ALG9: variants seen among roughly 807,000 people sequenced by gnomAD.
The protein encoded by ALG9 is alpha-1,2-mannosyltransferase ALG9.
Under a neutral mutation model 81.8 loss-of-function variants are expected in ALG9, and 55 were observed. The observed-to-expected ratio is 0.67, with a 90% confidence interval of 0.54 to 0.84. The LOEUF is 0.84. Ranked by LOEUF, ALG9 falls within the 40% of genes least tolerant of loss-of-function variation. The pLI, the probability that ALG9 is intolerant of heterozygous loss-of-function variation, is 0.00. For missense variants in ALG9, 629 were observed against 745.0 expected (o/e 0.84, Z 1.81); for synonymous variants, 278 against 274.3 (o/e 1.01, Z -0.13).
At chr11:111,804,474 C>T (rs186333972) in intron 14 of ALG9, among the ~76,000 whole-genome samples, 70 of 152,104 alleles carry the variant, frequency 4.6e-4, no homozygotes, top group Middle Eastern at 3.4e-3. Context: ...GCCTGTAATC[C>T]GAGCGCTTTC....
At chr11:111,821,913 T>G (rs1392256866) in intron 13 of ALG9, among the ~76,000 whole-genome samples, 1 of 152,052 alleles carries the variant, frequency 6.6e-6, no homozygotes, top group African/African-American at 2.4e-5. Flanking sequence ...GGATTACAGG[T>G]GTGAGCCACC....
chr11:111,778,122 C>G (rs1945746797), downstream of ALG9: 1 of 152,078 alleles, frequency 6.6e-6, no homozygotes, highest in African/African-American at 2.4e-5. Flanking sequence ...AATATTCACA[C>G]CTTCTTTTTT....
chr11:111,829,571 A>C (rs1286604473), intron 13 of ALG9, among the ~76,000 whole-genome samples: 1 of 152,228 alleles, frequency 6.6e-6, no homozygotes, highest in Non-Finnish European at 1.5e-5. Context: ...TAAGGATAAC[A>C]ATTTAATACC....
In ALG9 at chr11:111,815,932, T is replaced by G. The variant is rs782366006; in HGVS notation, c.1603-6159A>C. Among the ~76,000 whole-genome samples the G allele has an allele frequency of 7.6e-4, 116 of 152,208 alleles. 1 individual carries two copies. The highest frequency in any genetic ancestry group is 1.6e-3 in the Non-Finnish European group (109 of 68,024). ...AAATTATCCTTGTTTCAACCTAGGTTAGTGTCTATTATCAATTCAAGTTAA... is the reference window on the plus strand; with the variant it reads ...AAATTATCCTTGTTTCAACCTAGGTGAGTGTCTATTATCAATTCAAGTTAA... On this transcript the variant is annotated intron_variant, in intron 13 of 14. Coordinates refer to ENST00000616540, the MANE Select transcript of ALG9 (RefSeq NM_024740.2).
intron 6 of ALG9, among the ~76,000 whole-genome samples, chr11:111,855,867 A>C (rs1168230249): frequency 1.3e-5 from 2 of 152,198 alleles, no homozygotes; most frequent in Admixed American, 6.5e-5. Context: ...GAGATGAGGA[A>C]ACCAGCCTTT....
chr11:111,861,811 C>A (rs572984224), intron 4 of ALG9, among the ~76,000 whole-genome samples: 8 of 151,608 alleles, frequency 5.3e-5, no homozygotes, highest in African/African-American at 1.7e-4. Context: ...ACTGAAAAGT[C>A]TGTATTTAGC....
chr11:111,864,718 GA>G (rs1356836535), intron 4 of ALG9, among the ~76,000 whole-genome samples: 2 of 148,894 alleles, frequency 1.3e-5, no homozygotes, highest in East Asian at 1.9e-4. Flanking sequence ...TTCTTTCCCA[GA>G]AAAAAAAATA....
At chr11:111,849,109 C>T (rs534170258) in intron 8 of ALG9, among the ~76,000 whole-genome samples, 29 of 151,742 alleles carry the variant, frequency 1.9e-4, no homozygotes, top group African/African-American at 5.3e-4. Context: ...GGAGTGCAGT[C>T]GTGCAGTTTC....
the ALG9 span, among the ~76,000 whole-genome samples, chr11:111,776,747 G>C: frequency 1.8e-4 from 27 of 152,182 alleles, no homozygotes; most frequent in African/African-American, 6.5e-4. Context: ...ATATCTGGCA[G>C]AGCTGACCTT....
intron 10 of ALG9, among the ~76,000 whole-genome samples, chr11:111,839,603 G>C (rs555402819): frequency 5.6e-4 from 49 of 87,404 alleles, no homozygotes; most frequent in Non-Finnish European, 9.6e-4. Context: ...AAAAAAAAAG[G>C]GGGGGGGGGA....
At chr11:111,828,911 T>C (rs1953845842) in intron 13 of ALG9, 1 of 152,216 alleles carries the variant, frequency 6.6e-6, no homozygotes, top group Admixed American at 6.5e-5. Flanking sequence ...TCTGCAGATA[T>C]TGATTTTTCT....
chr11:111,844,830 C>T (rs1367631896), intron 8 of ALG9, 107 bp from the exon 9 acceptor site: 2 of 1,274,880 alleles, frequency 1.6e-6, no homozygotes, highest in African/African-American at 2.9e-5. Flanking sequence ...GATCCTATGC[C>T]TCATGGGAAT....
chr11:111,866,539 C>G (rs1009110498), intron 3 of ALG9, among the ~76,000 whole-genome samples: 8 of 151,944 alleles, frequency 5.3e-5, no homozygotes, highest in Non-Finnish European at 8.8e-5. Flanking sequence ...CTACAATTCC[C>G]CTTTGCTGAA....
At chr11:111,836,997 G>A (rs1343061739) in intron 12 of ALG9, among the ~76,000 whole-genome samples, 2 of 152,222 alleles carry the variant, frequency 1.3e-5, no homozygotes, top group African/African-American at 4.8e-5. Flanking sequence ...ACCACAGAAA[G>A]CATAAAGGAA....
At chr11:111,802,388 T>C (rs975061616) in intron 14 of ALG9, among the ~76,000 whole-genome samples, 6 of 152,176 alleles carry the variant, frequency 3.9e-5, no homozygotes, top group African/African-American at 1.4e-4. Flanking sequence ...TGCTATAACA[T>C]GAATGAACCT....
chr11:111,851,893 G>A (rs1364599828), intron 8 of ALG9, among the ~76,000 whole-genome samples: 1 of 152,138 alleles, frequency 6.6e-6, no homozygotes, highest in Non-Finnish European at 1.5e-5. Context: ...AGCCATAAAG[G>A]AGCTTTTTTA....
At chr11:111,829,126 A>C (rs1371603681) in intron 13 of ALG9, 1 of 152,210 alleles carries the variant, frequency 6.6e-6, no homozygotes, top group African/African-American at 2.4e-5. Flanking sequence ...ATCTGAGATC[A>C]TAACCACATC....
intron 14 of ALG9, among the ~76,000 whole-genome samples, chr11:111,797,673 G>A (rs774300531): frequency 7.2e-5 from 11 of 152,254 alleles, no homozygotes; most frequent in Non-Finnish European, 1.2e-4. Flanking sequence ...TTCTGCTTAT[G>A]CTGGAGCTAA....
At position 111,871,444 on chromosome 11, in the gene ALG9, G is replaced by A. The variant is rs1376365102; in HGVS notation, c.39C>T (p.Ser13=). 2 of 1,536,422 alleles carry A rather than the reference G, an allele frequency of 1.3e-6. No homozygotes were observed. Among genetic ancestry groups the A allele is most frequent in the African/African-American group, 1.4e-5 (1 of 73,020 alleles). The change falls in exon 1 of 15, where the codon AGC becomes AGT. Residue 13 remains serine, a synonymous_variant. Transcript: ENST00000616540. ...GGGCCGTATCCCCACTGCTGGCCCCGCTGCCCTTCAGGCGCTGCCGAGCCC... is the reference window on the plus strand; with the variant it reads ...GGGCCGTATCCCCACTGCTGGCCCCACTGCCCTTCAGGCGCTGCCGAGCCC... ...SRGARQRLKG[S]GASSGDTAPA...
Sources: allele counts gnomAD v4.1 joint callset (sites outside exome capture counted in the v4.1 genomes callset), GRCh38; gene constraint gnomAD v4.1.1; transcripts MANE v1.5; gene names NCBI Gene and HGNC (gene_info 2026-07-23, HGNC 2026-07-21).